XKR9: variants seen among roughly 807,000 people sequenced by gnomAD.
XKR9 encodes the protein XK-related protein 9.
In XKR9, 32 loss-of-function variants were observed where a neutral mutation model predicts 32.0. The ratio of observed to expected loss-of-function variants is 1.00; its 90% CI spans 0.76 to 1.34. The LOEUF is 1.34. Among genes scored for constraint, XKR9 ranks in the 40% most tolerant of loss-of-function variants. The pLI, the probability that XKR9 is intolerant of heterozygous loss-of-function variation, is 0.00. For missense variants in XKR9, 546 were observed against 429.7 expected (o/e 1.27, Z -2.39); for synonymous variants, 168 against 143.4 (o/e 1.17, Z -1.22).
the XKR9 span, among the ~76,000 whole-genome samples, chr8:70,951,137 G>C: frequency 6.6e-6 from 1 of 152,108 alleles, no homozygotes; most frequent in Non-Finnish European, 1.5e-5. Flanking sequence ...CAGGAGAAAG[G>C]GCCTGGAGGG....
chr8:70,766,469 T>C (rs543630834), intron 2 of XKR9, among the ~76,000 whole-genome samples: 6 of 152,336 alleles, frequency 3.9e-5, no homozygotes, highest in African/African-American at 1.4e-4. Flanking sequence ...ACTGCTGAAG[T>C]TGCTTATTAG....
At chr8:71,035,595 T>A in the XKR9 span, among the ~76,000 whole-genome samples, 1 of 152,206 alleles carries the variant, frequency 6.6e-6, no homozygotes, top group Non-Finnish European at 1.5e-5. Flanking sequence ...AGTTTTTGAA[T>A]TGAGCACATC....
intron 2 of XKR9, among the ~76,000 whole-genome samples, chr8:70,757,816 A>T (rs531526910): frequency 6.6e-6 from 1 of 152,196 alleles, no homozygotes; most frequent in African/African-American, 2.4e-5. Flanking sequence ...CGAACTCCTT[A>T]CCTCAGGTGA....
the XKR9 span, among the ~76,000 whole-genome samples, chr8:70,885,895 C>A: frequency 2.6e-5 from 4 of 151,080 alleles, no homozygotes; most frequent in Non-Finnish European, 5.9e-5. Flanking sequence ...TGCGCCCGGA[C>A]TTTTTTTAAT....
chr8:70,913,731 C>T, the XKR9 span, among the ~76,000 whole-genome samples: 1 of 152,106 alleles, frequency 6.6e-6, no homozygotes, highest in Admixed American at 6.6e-5. Context: ...TCCAGAAGTC[C>T]TATGTTGGCC....
At chr8:70,914,540 A>T in the XKR9 span, among the ~76,000 whole-genome samples, 7 of 152,118 alleles carry the variant, frequency 4.6e-5, no homozygotes, top group Admixed American at 4.6e-4. Context: ...TGCATTGTAC[A>T]AATCTTTTGC....
the XKR9 span, among the ~76,000 whole-genome samples, chr8:70,912,455 G>T: frequency 3.3e-5 from 5 of 152,074 alleles, no homozygotes; most frequent in African/African-American, 1.2e-4. Flanking sequence ...AAAGTCTTCT[G>T]GAGGTAAATG....
At chr8:70,941,765 A>G in the XKR9 span, among the ~76,000 whole-genome samples, 1 of 152,118 alleles carries the variant, frequency 6.6e-6, no homozygotes, top group African/African-American at 2.4e-5. Context: ...CCATCTTTCT[A>G]GACTCAGGGG....
chr8:70,848,515 A>AG, the XKR9 span, among the ~76,000 whole-genome samples: 1 of 152,108 alleles, frequency 6.6e-6, no homozygotes, highest in African/African-American at 2.4e-5. Context: ...CCTTGTTCAC[A>AG]GATGGCATAA....
chr8:70,685,681 C>A (rs1395566221), intron 3 of XKR9, among the ~76,000 whole-genome samples: 1 of 132,928 alleles, frequency 7.5e-6, no homozygotes, highest in Non-Finnish European at 1.5e-5. Flanking sequence ...GGGAATTGAA[C>A]AATGAGAACA....
At position 70,734,224 on chromosome 8, in the gene XKR9, T is replaced by G; in HGVS notation, c.922T>G (p.Cys308Gly). ...GGGGATATTGACTGTATTCTGGGTT[T>G]GCCCCCTCACTATTTTTAATCCAGA... ...TLGILTVFWV[C>G]PLTIFNPDYF... The change falls in exon 5 of 5, where the codon TGC becomes GGC. Residue 308 changes from cysteine (C) to glycine (G), a missense_variant. Transcript: ENST00000408926. The G allele has an allele frequency of 1.2e-6, 2 of 1,613,302 alleles. No homozygotes were observed. The highest frequency in any genetic ancestry group is 1.7e-6 in the Non-Finnish European group (2 of 1,179,556).
At chr8:70,957,616 ATAAG>A in the XKR9 span, among the ~76,000 whole-genome samples, 1 of 151,962 alleles carries the variant, frequency 6.6e-6, no homozygotes, top group South Asian at 2.1e-4. Context: ...GCTCTTACTT[ATAAG>A]TGAGGACATG....
intron 2 of XKR9, among the ~76,000 whole-genome samples, chr8:70,759,299 G>A (rs759510011): frequency 1.2e-4 from 19 of 152,104 alleles, no homozygotes; most frequent in Non-Finnish European, 1.3e-4. Context: ...GGTACATTAG[G>A]TATTATTAAT....
chr8:70,841,185 T>C, the XKR9 span, among the ~76,000 whole-genome samples: 1 of 152,264 alleles, frequency 6.6e-6, no homozygotes, highest in Admixed American at 6.5e-5. Flanking sequence ...CTATTTTAAT[T>C]TTCTGGACCT....
the XKR9 span, among the ~76,000 whole-genome samples, chr8:70,933,450 G>A: frequency 6.9e-6 from 1 of 144,854 alleles, no homozygotes; most frequent in Non-Finnish European, 1.5e-5. Flanking sequence ...TTTTTTTTTT[G>A]TCTTTCCTGG....
chr8:70,756,978 T>C (rs1217842212), intron 2 of XKR9, among the ~76,000 whole-genome samples: 1 of 152,248 alleles, frequency 6.6e-6, no homozygotes, highest in Non-Finnish European at 1.5e-5. Context: ...TAACTGTGGA[T>C]ATTTATAGAT....
the XKR9 span, among the ~76,000 whole-genome samples, chr8:70,828,187 A>G: frequency 3.9e-5 from 6 of 152,330 alleles, no homozygotes; most frequent in Middle Eastern, 3.4e-3. Flanking sequence ...AGCATCAACC[A>G]AGTTTGTTGC....
At chr8:70,670,570 T>C (rs779741719) in intron 1 of XKR9, 18 of 152,046 alleles carry the variant, frequency 1.2e-4, no homozygotes, top group Non-Finnish European at 1.6e-4. Flanking sequence ...CTTTTTTTTT[T>C]CCAGATATTT....
chr8:71,059,697 G>C, the XKR9 span, among the ~76,000 whole-genome samples: 1 of 152,128 alleles, frequency 6.6e-6, no homozygotes, highest in Non-Finnish European at 1.5e-5. Flanking sequence ...TCCCCGCCCA[G>C]TAACCCAGGT....
Sources: gnomAD v4.1 joint callset for allele counts (sites outside exome capture counted in the v4.1 genomes callset) on GRCh38, gnomAD v4.1.1 for gene constraint, MANE v1.5 for transcripts, NCBI Gene and HGNC (gene_info 2026-07-23, HGNC 2026-07-21) for gene names.